PHAF1: variants seen among roughly 807,000 people sequenced by gnomAD.
The protein encoded by PHAF1 is phagosome assembly factor 1.
Under a neutral mutation model 63.1 loss-of-function variants are expected in PHAF1, and 23 were observed. The ratio of observed to expected loss-of-function variants is 0.36; its 90% CI spans 0.26 to 0.52. The LOEUF (loss-of-function observed/expected upper bound fraction) is 0.52, where lower values mean the gene tolerates loss of function less well. Among genes scored for constraint, PHAF1 ranks in the 20% least tolerant of loss-of-function variants. The pLI is 0.93. For missense variants in PHAF1, 427 were observed against 517.2 expected (o/e 0.83, Z 1.69); for synonymous variants, 167 against 185.0 (o/e 0.90, Z 0.79).
chr16:67,136,769 C>T (rs1001813212), intron 8 of PHAF1, among the ~76,000 whole-genome samples: 2 of 151,666 alleles, frequency 1.3e-5, no homozygotes, highest in Non-Finnish European at 1.5e-5. Context: ...TTTGTAGACA[C>T]GTGGTCTCCC....
intron 9 of PHAF1, 43 bp from the exon 10 acceptor site, chr16:67,140,468 T>G: frequency 2.1e-6 from 3 of 1,415,278 alleles, no homozygotes; most frequent in Non-Finnish European, 1.0e-6. Flanking sequence ...CAGAACTATA[T>G]TAGAGGGATG....
At chr16:67,146,395 G>C (rs1196811617) in intron 15 of PHAF1, 45 bp downstream of exon 15, 2 of 1,565,132 alleles carry the variant, frequency 1.3e-6, no homozygotes, top group Non-Finnish European at 1.8e-6. Context: ...GGGGGTTGCT[G>C]GTCATGGCAG....
intron 2 of PHAF1, among the ~76,000 whole-genome samples, chr16:67,121,582 CTTT>C (rs763354915): frequency 2.9e-5 from 4 of 140,186 alleles, no homozygotes; most frequent in Admixed American, 7.2e-5. Flanking sequence ...AATTTATTTA[CTTT>C]TTTTTTTTTT....
At chr16:67,114,339 T>A (rs903779666) in intron 1 of PHAF1, among the ~76,000 whole-genome samples, 23 of 151,478 alleles carry the variant, frequency 1.5e-4, no homozygotes, top group Non-Finnish European at 3.2e-4. Flanking sequence ...AAATAAAAAA[T>A]AAATAAATAA....
intron 3 of PHAF1, among the ~76,000 whole-genome samples, chr16:67,128,942 G>T (rs1310778658): frequency 6.6e-6 from 1 of 152,194 alleles, no homozygotes; most frequent in African/African-American, 2.4e-5. Context: ...GGAACATCGT[G>T]CAGGCTCACT....
intron 1 of PHAF1, among the ~76,000 whole-genome samples, chr16:67,114,342 ATAAAT>A (rs1962651868): frequency 6.6e-6 from 1 of 151,942 alleles, no homozygotes; most frequent in South Asian, 2.1e-4. Context: ...TAAAAAATAA[ATAAAT>A]AAAAATTTAA....
At chr16:67,113,333 G>A (rs1384795177) in intron 1 of PHAF1, among the ~76,000 whole-genome samples, 1 of 152,146 alleles carries the variant, frequency 6.6e-6, no homozygotes, top group Non-Finnish European at 1.5e-5. Flanking sequence ...GCAACACAGG[G>A]AAAGGAAAAC....
At chr16:67,146,778 T>C (rs2030125384) in intron 15 of PHAF1, among the ~76,000 whole-genome samples, 1 of 152,160 alleles carries the variant, frequency 6.6e-6, no homozygotes, top group South Asian at 2.1e-4. Flanking sequence ...GCCCTTGTTT[T>C]CCCTGTGGAT....
rs550883836 is a variant in PHAF1 at position 67,127,851 on chromosome 16, T to C, written c.231+1809T>C. On this transcript the variant is annotated intron_variant, in intron 3 of 15. Coordinates refer to ENST00000219139, the MANE Select transcript of PHAF1 (RefSeq NM_025187.5). ...GGTAACATGGAAATTTCTTTACAAG[T>C]AGTCATTTCCCTTTGACTTGGTAAA... 5.3e-5 allele frequency among the ~76,000 whole-genome samples: 8 copies of C among 152,166 alleles called. No individual in the cohort carries two copies. The East Asian group carries it at 1.2e-3, about 22-fold the overall frequency.
intron 12 of PHAF1, 137 bp downstream of exon 12, chr16:67,145,014 T>C (rs2029917233): frequency 9.0e-7 from 1 of 1,114,708 alleles, no homozygotes; most frequent in Non-Finnish European, 1.3e-6. Context: ...GGTGGGCTCA[T>C]TGTTCTGGGG....
intron 3 of PHAF1, among the ~76,000 whole-genome samples, chr16:67,129,291 A>C (rs1245663367): frequency 1.3e-5 from 2 of 152,254 alleles, no homozygotes; most frequent in African/African-American, 2.4e-5. Context: ...TTCCCTATGC[A>C]AATTAATGAG....
At chr16:67,121,330 T>A (rs2145834649) in intron 2 of PHAF1, among the ~76,000 whole-genome samples, 1 of 151,240 alleles carries the variant, frequency 6.6e-6, no homozygotes, top group African/African-American at 2.4e-5. Flanking sequence ...TAGCTGGGAC[T>A]ACAGGCGCCC....
At chr16:67,112,381 C>CAAAA (rs964546436) in intron 1 of PHAF1, among the ~76,000 whole-genome samples, 4 of 45,354 alleles carry the variant, frequency 8.8e-5, no homozygotes, top group Non-Finnish European at 9.0e-5. Context: ...TCGTTTCTAC[C>CAAAA]AAAAAAAAAA....
rs1441290699 is a variant in PHAF1, at chr16:67,140,494, T to C, written c.796-17T>C. 2.6e-6 allele frequency: 4 copies of C among 1,538,032 alleles called. No individual in the cohort carries two copies. The Admixed American group carries it at 6.7e-5, about 26-fold the overall frequency. On this transcript the variant is annotated splice_polypyrimidine_tract_variant and intron_variant, in intron 9 of 15. Coordinates refer to ENST00000219139, the MANE Select transcript of PHAF1 (RefSeq NM_025187.5). The stretch of plus-strand genomic sequence containing the variant: ...TAGAGGGATGGATTTTAATTTATGG[T>C]TATTTTTTCCCTACAGATGAAAATT...
Position 67,147,328 on chromosome 16 carries a change from C to G in PHAF1, c.*197C>G. 1.8e-6 allele frequency: 1 copy of G among 558,558 alleles called. No individual in the cohort carries two copies. Among genetic ancestry groups the G allele is most frequent in the Non-Finnish European group, 3.2e-6 (1 of 315,514 alleles). 34.6% of individuals were successfully genotyped at this position (558,558 alleles called of 1,614,324 possible). A position where few individuals can be genotyped will look rare whatever the true frequency, so the allele number is the denominator to read the frequency against. The stretch of plus-strand genomic sequence containing the variant: ...CAGATATTCTTCTGTCCATCTTTGG[C>G]CTGCTGGTGCCAGCAGGGGACACAG... On this transcript the variant is annotated 3_prime_UTR_variant, in exon 16 of 16. Transcript: ENST00000219139.
At position 67,134,181 on chromosome 16, in the gene PHAF1, A is replaced by G. The variant is rs747472160; in HGVS notation, c.464A>G (p.His155Arg). Residue 155 changes from histidine to arginine, a missense_variant, in exon 7 of 16, where the codon CAT becomes CGT. Coordinates refer to ENST00000219139, the MANE Select transcript of PHAF1 (RefSeq NM_025187.5). The stretch of plus-strand genomic sequence containing the variant: ...CTTTGTTTGCAGCCCAATTTTGCCC[A>G]TGGCCTGGCTTCTCTCCAGATACCC... ...EAPKYEPNFA[H>R]GLASLQIPHG... The G allele has an allele frequency of 3.1e-6, 5 of 1,614,072 alleles. No homozygotes were observed. Among genetic ancestry groups the G allele is most frequent in the South Asian group, 1.1e-5 (1 of 91,088 alleles).
chr16:67,137,865 T>G (rs1359256560), intron 8 of PHAF1, among the ~76,000 whole-genome samples: 1 of 152,104 alleles, frequency 6.6e-6, no homozygotes, highest in Non-Finnish European at 1.5e-5. Flanking sequence ...GGGCAAATGA[T>G]TTGTTAAGTC....
chr16:67,124,583 A>C (rs1223713668), intron 2 of PHAF1, among the ~76,000 whole-genome samples: 1 of 152,206 alleles, frequency 6.6e-6, no homozygotes, highest in African/African-American at 2.4e-5. Flanking sequence ...GAGAAGCTCT[A>C]TAAAGAAACT....
chr16:67,133,343 G>A (rs1186822514), intron 6 of PHAF1, among the ~76,000 whole-genome samples: 1 of 151,956 alleles, frequency 6.6e-6, no homozygotes, highest in Non-Finnish European at 1.5e-5. Flanking sequence ...AAGCATTTCT[G>A]CATTTTCCCC....
Sources: allele counts gnomAD v4.1 joint callset (sites outside exome capture counted in the v4.1 genomes callset), GRCh38; gene constraint gnomAD v4.1.1; transcripts MANE v1.5; gene names NCBI Gene and HGNC (gene_info 2026-07-23, HGNC 2026-07-21).